HDX: variants seen among roughly 807,000 people sequenced by gnomAD.
HDX encodes highly divergent homeobox, also known as chromosome X open reading frame 43.
HDX carries 19 observed loss-of-function variants against 45.2 expected under a neutral mutation model. The ratio of observed to expected loss-of-function variants is 0.42; its 90% confidence interval spans 0.29 to 0.62. The LOEUF is 0.62. Ranked by LOEUF, HDX falls within the 20% of genes least tolerant of loss-of-function variation. The pLI, the probability that HDX is intolerant of heterozygous loss-of-function variation, is 0.20. For synonymous variants in HDX, 188 were observed against 172.8 expected, an observed-to-expected ratio of 1.09 and a Z score of -0.69; for missense variants, 532 against 493.9, an observed-to-expected ratio of 1.08 and a Z score of -0.73.
chrX:84,434,261 A>T (rs2039570813), intron 5 of HDX, among the ~76,000 whole-genome samples: 1 of 110,561 alleles, frequency 9.0e-6, no homozygotes, highest in Non-Finnish European at 1.9e-5. Flanking sequence ...TTTTTTTCCA[A>T]TTCTTAGAAG....
chrX:84,373,540 T>A (rs1026976205), intron 5 of HDX, among the ~76,000 whole-genome samples: 60 of 110,161 alleles, frequency 5.4e-4, no homozygotes, highest in Admixed American at 5.4e-3. Flanking sequence ...ATCCAGCAGC[T>A]CATCAAAAAG....
At chrX:84,350,594 C>T (rs1307410439) in intron 6 of HDX, among the ~76,000 whole-genome samples, 1 of 111,632 alleles carries the variant, frequency 9.0e-6, no homozygotes, top group African/African-American at 3.2e-5. Flanking sequence ...ACTTTGTCCC[C>T]TGTAATTTCC....
chrX:84,431,914 T>C (rs1295366041), intron 5 of HDX, among the ~76,000 whole-genome samples: 1 of 111,336 alleles, frequency 9.0e-6, no homozygotes, highest in African/African-American at 3.3e-5. Context: ...CTTTGCTCAG[T>C]CCTATGTACA....
intron 5 of HDX, among the ~76,000 whole-genome samples, chrX:84,410,958 G>GT (rs1569324775): frequency 6.3e-5 from 7 of 110,912 alleles, no homozygotes; most frequent in African/African-American, 1.6e-4. Context: ...ATGCATAGAG[G>GT]TGTTCATAAT....
intron 7 of HDX, 88 bp from the exon 8 acceptor site, chrX:84,336,968 A>G: frequency 1.7e-6 from 1 of 593,542 alleles, no homozygotes; most frequent in Non-Finnish European, 2.6e-6. Flanking sequence ...TAATTTCTCT[A>G]TTATAAAAAG....
At chrX:84,382,707 G>T (rs972100967) in intron 5 of HDX, among the ~76,000 whole-genome samples, 3 of 111,268 alleles carry the variant, frequency 2.7e-5, no homozygotes, top group Non-Finnish European at 5.7e-5. Context: ...GAAGTGTAGT[G>T]GAGGGCATAA....
At chrX:84,328,752 A>G (rs903220784) in intron 9 of HDX, among the ~76,000 whole-genome samples, 2 of 111,963 alleles carry the variant, frequency 1.8e-5, no homozygotes, top group African/African-American at 6.5e-5. Flanking sequence ...TAGAAGTCTC[A>G]TACATGTTGA....
intron 8 of HDX, among the ~76,000 whole-genome samples, 169 bp from the exon 9 acceptor site, chrX:84,334,011 C>T (rs755112729): frequency 9.0e-6 from 1 of 110,564 alleles, no homozygotes; most frequent in African/African-American, 3.3e-5. Context: ...GTGTCTGAGC[C>T]ACCTCCCTCT....
At chrX:84,454,236 T>C (rs2040064494) in intron 4 of HDX, among the ~76,000 whole-genome samples, 1 of 111,530 alleles carries the variant, frequency 9.0e-6, no homozygotes, top group African/African-American at 3.3e-5. Context: ...TGGTACCAGC[T>C]CAGCCACAGT....
At chrX:84,389,114 G>C (rs899388569) in intron 5 of HDX, among the ~76,000 whole-genome samples, 1 of 111,958 alleles carries the variant, frequency 8.9e-6, no homozygotes, top group African/African-American at 3.3e-5. Flanking sequence ...TTATCCAGTA[G>C]CTGAAGCTAG....
intron 5 of HDX, among the ~76,000 whole-genome samples, chrX:84,415,240 C>A (rs2039076931): frequency 8.9e-6 from 1 of 112,183 alleles, no homozygotes; most frequent in Non-Finnish European, 1.9e-5. Flanking sequence ...CTGCAAACCA[C>A]ATTTCTCCAC....
At position 84,405,500 on chromosome X, in the gene HDX, T is replaced by C. The variant is rs143996827; in HGVS notation, c.1305+35032A>G. Among the ~76,000 whole-genome samples the C allele has an allele frequency of 8.3e-3, 907 of 109,743 alleles. 10 individuals are homozygous for C. Among genetic ancestry groups the C allele is most frequent in the African/African-American group, 0.029 (871 of 30,322 alleles). On this transcript the variant is annotated intron_variant, in intron 5 of 10. Coordinates refer to ENST00000373177, the MANE Select transcript of HDX (RefSeq NM_001177479.2). ...TTTATTCTGTAATGTTTAAAGAGTA[T>C]TTCGTGCTTAGTTGTTGCAAATGAT...
chrX:84,405,599 T>G (rs1294869070), intron 5 of HDX, among the ~76,000 whole-genome samples: 1 of 103,972 alleles, frequency 9.6e-6, no homozygotes, highest in African/African-American at 3.5e-5. Flanking sequence ...TTTTTTTTTT[T>G]TTTTTTTGCT....
At chrX:84,373,343 T>C (rs1457949497) in intron 5 of HDX, among the ~76,000 whole-genome samples, 2 of 110,779 alleles carry the variant, frequency 1.8e-5, no homozygotes, top group African/African-American at 6.6e-5. Flanking sequence ...TCTTGGCACA[T>C]TGAAAATTGT....
chrX:84,440,554 G>C lies in HDX; in HGVS notation c.1283C>G (p.Thr428Arg). 8.4e-7 allele frequency: 1 copy of C among 1,185,681 alleles called. No homozygotes were observed. Among genetic ancestry groups the C allele is most frequent in the Non-Finnish European group, 1.1e-6 (1 of 874,500 alleles). Residue 428 changes from threonine (T) to arginine (R), a missense_variant, in exon 5 of 11, where the codon ACA (threonine) becomes AGA (arginine). Thr to Arg is a moderately conservative substitution (Grantham distance 71). Around this residue, in one of 3 missense-constraint regions of HDX, gnomAD observed 376 missense variants for 343.7 expected, o/e 1.09. Coordinates refer to ENST00000373177, the MANE Select transcript of HDX (RefSeq NM_001177479.2). Reference protein sequence around the residue: ...ISGNLTVPWITGCSRKRALQD... With the variant: ...ISGNLTVPWIRGCSRKRALQD... Reference sequence around the variant, plus strand: ...TACTGCTCTTTTTCTAGAACACCCTGTAATCCAAGGCACAGTAAGGTTTCC... The same window carrying C: ...TACTGCTCTTTTTCTAGAACACCCTCTAATCCAAGGCACAGTAAGGTTTCC...
At chrX:84,327,382 A>G (rs1337691806) in intron 9 of HDX, among the ~76,000 whole-genome samples, 1 of 111,779 alleles carries the variant, frequency 8.9e-6, no homozygotes, top group East Asian at 2.8e-4. Context: ...TGCTCTGAAT[A>G]GATTTACTAT....
intron 5 of HDX, among the ~76,000 whole-genome samples, chrX:84,431,057 C>A (rs1344105290): frequency 1.8e-5 from 2 of 110,448 alleles, no homozygotes; most frequent in Admixed American, 1.9e-4. Flanking sequence ...TGTCTGTTAT[C>A]CCTTCTTTTT....
intron 7 of HDX, among the ~76,000 whole-genome samples, chrX:84,338,353 G>A (rs1247670782): frequency 9.1e-6 from 1 of 109,792 alleles, no homozygotes; most frequent in Non-Finnish European, 1.9e-5. Flanking sequence ...GGGTATATTT[G>A]AGATATACAA....
chrX:84,323,584 T>G (rs1470152021), intron 10 of HDX, among the ~76,000 whole-genome samples: 1 of 111,891 alleles, frequency 8.9e-6, no homozygotes, highest in Admixed American at 9.5e-5. Context: ...TATTTATTTC[T>G]TTGTTACTGC....
Sources: allele counts gnomAD v4.1 joint callset (sites outside exome capture counted in the v4.1 genomes callset), GRCh38; gene constraint gnomAD v4.1.1; regional missense constraint gnomAD v4.1.1; transcripts MANE v1.5; gene names NCBI Gene and HGNC (gene_info 2026-07-23, HGNC 2026-07-21).